Variants in CD36 observed in about 807,000 individuals in gnomAD.
CD36 encodes the protein CD36 molecule (CD36 blood group), also known as platelet glycoprotein 4.
CD36 carries 119 observed loss-of-function variants against 55.2 expected under a neutral mutation model. The ratio of observed to expected loss-of-function variants is 2.15; its 90% CI spans 1.86 to 2.51. The LOEUF (loss-of-function observed/expected upper bound fraction) is 2.51, where lower values mean the gene tolerates loss of function less well. Among genes scored for constraint, CD36 ranks in the 30% most tolerant of loss-of-function variants. The pLI, the probability that CD36 is intolerant of heterozygous loss-of-function variation, is 0.00. For synonymous variants in CD36, 186 were observed against 193.6 expected, an observed-to-expected ratio of 0.96 and a Z score of 0.33; for missense variants, 819 against 555.5, an observed-to-expected ratio of 1.47 and a Z score of -4.77.
At position 80,604,350 on chromosome 7, in the gene CD36, A is replaced by ATTTTTTTT. The variant is rs67213422; in HGVS notation, c.-184+2004_-184+2011dup. ...TACAGTAATTGGCTAAGCCACTGGA[A>ATTTTTTTT]TTTTTTTTTTTTTTTTTTTTTTTTT... On this transcript the variant is annotated intron_variant, in intron 1 of 13. Transcript: ENST00000309881. Among the ~76,000 whole-genome samples, 93 of 54,294 alleles carry ATTTTTTTT rather than the reference A, an allele frequency of 1.7e-3. 16 individuals carry two copies. Among genetic ancestry groups the ATTTTTTTT allele is most frequent in the African/African-American group, 3.2e-3 (61 of 18,902 alleles). The allele number at this position is 54,294 out of a possible 152,430, so 35.6% of individuals were successfully genotyped here. A position where few individuals can be genotyped will look rare whatever the true frequency, so the allele number is the denominator to read the frequency against.
intron 1 of CD36, among the ~76,000 whole-genome samples, chr7:80,615,402 C>T (rs575053327): frequency 3.9e-5 from 6 of 152,268 alleles, no homozygotes; most frequent in East Asian, 3.9e-4. Flanking sequence ...TTTGCAACTT[C>T]CCTGAAAACC....
intron 1 of CD36, among the ~76,000 whole-genome samples, chr7:80,628,555 G>A (rs1191461604): frequency 6.6e-6 from 1 of 151,996 alleles, no homozygotes; most frequent in Non-Finnish European, 1.5e-5. Flanking sequence ...GTTAAGCCAT[G>A]TTTCTTGACT....
At chr7:80,638,911 T>C (rs1794617904) in intron 1 of CD36, among the ~76,000 whole-genome samples, 165 bp downstream of exon 1, 1 of 151,958 alleles carries the variant, frequency 6.6e-6, no homozygotes, top group African/African-American at 2.4e-5. Context: ...TATCTAAAAA[T>C]CAGGTTTGCA....
At chr7:80,674,562 C>A in intron 14 of CD36, 1 of 238,756 alleles carries the variant, frequency 4.2e-6, no homozygotes. Context: ...CAGAAAAGTC[C>A]TGAACAAAAA....
At chr7:80,655,898 G>A (rs1796009896) in intron 3 of CD36, among the ~76,000 whole-genome samples, 1 of 150,502 alleles carries the variant, frequency 6.6e-6, no homozygotes, top group South Asian at 2.1e-4. Flanking sequence ...TCCAGCCTGG[G>A]TGACAGAGCA....
At chr7:80,673,625 C>T in intron 13 of CD36, 1 of 565,636 alleles carries the variant, frequency 1.8e-6, no homozygotes, top group Non-Finnish European at 3.2e-6. Flanking sequence ...CTATTAAACA[C>T]ATTTTCTTGT....
Position 80,663,073 on chromosome 7 carries a change from A to G in CD36, c.513A>G (p.Gln171=), listed in dbSNP as rs752295941. The change falls in exon 6 of 15, where the codon CAA becomes CAG. Residue 171 remains glutamine (Q), a synonymous_variant. Transcript: ENST00000447544. ...ACAAGTCAAAATCTTCTATGTTCCA[A>G]GTCAGAACTTTGAGAGAACTGTTAT... The part of the protein sequence containing the change: ...LINKSKSSMF[Q]VRTLRELLWG... 3 of 1,613,574 alleles carry G rather than the reference A, an allele frequency of 1.9e-6. No homozygotes were observed. Among genetic ancestry groups the G allele is most frequent in the South Asian group, 1.1e-5 (1 of 91,074 alleles).
chr7:80,614,806 C>T (rs1793059046), intron 1 of CD36, among the ~76,000 whole-genome samples: 1 of 152,142 alleles, frequency 6.6e-6, no homozygotes, highest in Non-Finnish European at 1.5e-5. Flanking sequence ...TGCTCTGCTA[C>T]TTGTTAGCTT....
In CD36 at chr7:80,674,113, C is replaced by A. The variant is rs977068707; in HGVS notation, c.1385C>A (p.Ser462Ter). ...GVVMFVAFMI[S>*]YCACRSKTIK ...GTGATGTTTGTTGCTTTTATGATTT[C>A]ATATTGTGCATGCAGATCGAAAACA... The change falls in exon 14 of 15, where the codon TCA (serine) becomes TAA (stop). Residue 462 changes from serine (S) to a stop codon, truncating the protein, a stop_gained. Transcript: ENST00000447544. LOFTEE classifies it high-confidence loss of function. The A allele has an allele frequency of 1.9e-6, 3 of 1,612,126 alleles. No individual in the cohort carries two copies. The African/African-American group carries it at 4.0e-5, about 22-fold the overall frequency.
At chr7:80,611,006 G>A (rs1174111179) in intron 1 of CD36, among the ~76,000 whole-genome samples, 1 of 148,376 alleles carries the variant, frequency 6.7e-6, no homozygotes, top group Non-Finnish European at 1.5e-5. Context: ...CACCCAAGAA[G>A]CTGGGACTAC....
chr7:80,636,639 T>C (rs1438104009), upstream of CD36, among the ~76,000 whole-genome samples: 1 of 152,138 alleles, frequency 6.6e-6, no homozygotes, highest in East Asian at 1.9e-4. Context: ...ATAGTGGATT[T>C]ACATAAAGCA....
chr7:80,655,116 AG>A (rs1212167986), intron 3 of CD36, among the ~76,000 whole-genome samples: 1 of 152,188 alleles, frequency 6.6e-6, no homozygotes, highest in African/African-American at 2.4e-5. Context: ...CAAATAGGTC[AG>A]AATGTTCCTG....
chr7:80,612,695 T>C (rs1792940896), intron 1 of CD36, among the ~76,000 whole-genome samples: 1 of 152,208 alleles, frequency 6.6e-6, no homozygotes, highest in Non-Finnish European at 1.5e-5. Flanking sequence ...TTCAACCATA[T>C]ACTTTCTTTT....
chr7:80,649,133 A>G (rs1379242069), intron 3 of CD36, among the ~76,000 whole-genome samples: 1 of 152,116 alleles, frequency 6.6e-6, no homozygotes, highest in Non-Finnish European at 1.5e-5. Flanking sequence ...AGAGTTTCCT[A>G]TATACTAGTT....
intron 1 of CD36, among the ~76,000 whole-genome samples, chr7:80,619,957 T>A (rs1218052222): frequency 1.3e-5 from 2 of 152,110 alleles, no homozygotes; most frequent in African/African-American, 4.8e-5. Context: ...ATTGGTGCAA[T>A]CTCATGATGA....
intron 1 of CD36, among the ~76,000 whole-genome samples, chr7:80,639,348 A>C (rs1368137709): frequency 6.6e-6 from 1 of 152,010 alleles, no homozygotes; most frequent in East Asian, 1.9e-4. Flanking sequence ...GTTACTGGGA[A>C]TAGCAAAGTA....
intron 3 of CD36, among the ~76,000 whole-genome samples, chr7:80,648,473 G>A (rs1795343247): frequency 6.6e-6 from 1 of 152,014 alleles, no homozygotes; most frequent in Admixed American, 6.6e-5. Flanking sequence ...ACTGGTACAT[G>A]TAGATTCTTT....
chr7:80,642,941 A>T (rs1373184195), intron 1 of CD36, among the ~76,000 whole-genome samples: 1 of 152,166 alleles, frequency 6.6e-6, no homozygotes, highest in Non-Finnish European at 1.5e-5. Flanking sequence ...ATGTGACTCT[A>T]CAGCAGTGGG....
At chr7:80,632,275 A>G (rs1343233786) in intron 1 of CD36, among the ~76,000 whole-genome samples, 2 of 151,492 alleles carry the variant, frequency 1.3e-5, no homozygotes, top group African/African-American at 4.9e-5. Context: ...AAAAAAAAAA[A>G]CAGAACAAGA....
Sources: allele counts gnomAD v4.1 joint callset (sites outside exome capture counted in the v4.1 genomes callset), GRCh38; gene constraint gnomAD v4.1.1; transcripts MANE v1.5; gene names NCBI Gene and HGNC (gene_info 2026-07-23, HGNC 2026-07-21).